NCALD: variants seen among roughly 807,000 people sequenced by gnomAD.
NCALD encodes neurocalcin delta, also known as neurocalcin-delta.
NCALD carries 10 observed loss-of-function variants against 18.6 expected under a neutral mutation model. The observed-to-expected ratio is 0.54, with a 90% CI of 0.33 to 0.91. The LOEUF (loss-of-function observed/expected upper bound fraction) is 0.91, where lower values mean the gene tolerates loss of function less well. Ranked by LOEUF, NCALD falls within the 40% of genes least tolerant of loss-of-function variation. The pLI, the probability that NCALD is intolerant of heterozygous loss-of-function variation, is 0.03. For synonymous variants in NCALD, 88 were observed against 87.4 expected (o/e 1.01, Z -0.04); for missense variants, 184 against 247.6 (o/e 0.74, Z 1.72).
chr8:101,914,459 T>C (rs930588942), intron 3 of NCALD, among the ~76,000 whole-genome samples: 4 of 152,146 alleles, frequency 2.6e-5, no homozygotes, highest in African/African-American at 9.7e-5. Flanking sequence ...AGTTACTTTT[T>C]CCCCTCCCTT....
intron 1 of NCALD, among the ~76,000 whole-genome samples, chr8:102,113,655 C>A (rs1185807485): frequency 7.2e-5 from 11 of 152,194 alleles, no homozygotes; most frequent in African/African-American, 2.4e-4. Flanking sequence ...GGACAGTCCC[C>A]ATTTGTGCCT....
intron 4 of NCALD, among the ~76,000 whole-genome samples, chr8:101,845,159 G>A (rs929761134): frequency 6.6e-6 from 1 of 152,326 alleles, no homozygotes; most frequent in African/African-American, 2.4e-5. Context: ...TTTGTTTCTT[G>A]TTGTGCACTA....
chr8:102,109,973 C>T (rs898129701), intron 1 of NCALD, among the ~76,000 whole-genome samples: 1 of 152,086 alleles, frequency 6.6e-6, no homozygotes, highest in African/African-American at 2.4e-5. Flanking sequence ...TCACTTAACC[C>T]TACGTCCCAA....
chr8:101,743,380 T>C (rs965369033), intron 1 of NCALD, among the ~76,000 whole-genome samples: 1 of 152,238 alleles, frequency 6.6e-6, no homozygotes, highest in Non-Finnish European at 1.5e-5. Context: ...TATATTCAAA[T>C]AGCATAATCT....
chr8:101,703,332 G>A (rs776623188), intron 2 of NCALD, among the ~76,000 whole-genome samples: 39 of 152,146 alleles, frequency 2.6e-4, no homozygotes, highest in Non-Finnish European at 5.3e-4. Flanking sequence ...TTTATGAATA[G>A]CACAAAAATG....
chr8:101,879,332 TCTCA>T (rs1816373223), intron 4 of NCALD, among the ~76,000 whole-genome samples: 2 of 152,196 alleles, frequency 1.3e-5, no homozygotes, highest in Admixed American at 6.5e-5. Context: ...GGGTTCGTGG[TCTCA>T]CTGACTTCAG....
chr8:101,894,391 A>G (rs2131530355), intron 3 of NCALD, among the ~76,000 whole-genome samples: 1 of 132,718 alleles, frequency 7.5e-6, no homozygotes, highest in East Asian at 2.0e-4. Flanking sequence ...ATAGCACTAA[A>G]TGCCCACAAG....
rs532371258 is a variant in NCALD at position 102,012,278 on chromosome 8, C to A, written c.-157+7959G>T. Reference sequence around the variant, plus strand: ...CTCCTACAAATGTAATAATATCCAACAAGCAACTGATTGGACAGCACACGA... The same window carrying A: ...CTCCTACAAATGTAATAATATCCAAAAAGCAACTGATTGGACAGCACACGA... On this transcript the variant is annotated intron_variant, in intron 2 of 6. Coordinates refer to the NCALD transcript ENST00000311028. 3.3e-5 allele frequency among the ~76,000 whole-genome samples: 5 copies of A among 152,348 alleles called. No homozygotes were observed. The South Asian group carries it at 1.0e-3, about 32-fold the overall frequency.
chr8:101,937,285 C>A (rs941546108), intron 2 of NCALD, among the ~76,000 whole-genome samples: 2 of 152,114 alleles, frequency 1.3e-5, no homozygotes, highest in African/African-American at 4.8e-5. Context: ...TATTTCATCA[C>A]CCAGGTACTA....
At chr8:101,692,476 T>C (rs1164427382) in intron 3 of NCALD, 1 of 985,368 alleles carries the variant, frequency 1.0e-6, no homozygotes, top group Non-Finnish European at 1.2e-6. Context: ...AGCCTAGGCC[T>C]GTCCCAAGGA....
At position 102,039,440 on chromosome 8, in the gene NCALD, A is replaced by G. The variant is rs145198746; in HGVS notation, c.-209-19151T>C. 3.1e-3 allele frequency among the ~76,000 whole-genome samples: 469 copies of G among 152,332 alleles called. 7 individuals are homozygous for G. The highest frequency in any genetic ancestry group is 0.011 in the African/African-American group (452 of 41,578). On this transcript the variant is annotated intron_variant, in intron 1 of 6. Transcript: ENST00000311028. ...CTATAACATTCACCCCAAGGAGCCT[A>G]AGAGAGAGCAATCACTGACATTTGT...
intron 1 of NCALD, among the ~76,000 whole-genome samples, chr8:102,097,553 C>G (rs1016606869): frequency 1.3e-5 from 2 of 152,186 alleles, no homozygotes; most frequent in Non-Finnish European, 2.9e-5. Flanking sequence ...GCTGTTTCAT[C>G]AGAAGTTGCG....
chr8:101,842,728 A>G (rs754443712), intron 4 of NCALD, among the ~76,000 whole-genome samples: 31 of 152,228 alleles, frequency 2.0e-4, no homozygotes, highest in Non-Finnish European at 3.4e-4. Context: ...CTCATTAGCC[A>G]AAACTAGGGC....
intron 1 of NCALD, among the ~76,000 whole-genome samples, chr8:102,117,597 G>A (rs544765454): frequency 5.5e-4 from 80 of 144,344 alleles, no homozygotes; most frequent in African/African-American, 2.1e-3. Context: ...TGTCAACTCC[G>A]TTGGCACTTT....
chr8:101,814,747 A>C (rs2131158197), intron 4 of NCALD, among the ~76,000 whole-genome samples: 1 of 152,218 alleles, frequency 6.6e-6, no homozygotes, highest in East Asian at 1.9e-4. Flanking sequence ...CTAATAAGGG[A>C]TTATAGCAAG....
At chr8:101,707,153 C>A (rs1342090845) in intron 2 of NCALD, among the ~76,000 whole-genome samples, 1 of 152,094 alleles carries the variant, frequency 6.6e-6, no homozygotes, top group African/African-American at 2.4e-5. Context: ...ATCAGAAGAC[C>A]ACAGTGTTTC....
intron 1 of NCALD, among the ~76,000 whole-genome samples, chr8:101,762,156 A>G (rs1811139563): frequency 6.6e-6 from 1 of 152,136 alleles, no homozygotes; most frequent in Admixed American, 6.5e-5. Context: ...ATATATATGC[A>G]TTTTCCCTAA....
intron 2 of NCALD, chr8:101,694,366 C>G (rs1340951810): frequency 2.0e-5 from 3 of 152,120 alleles, no homozygotes; most frequent in Non-Finnish European, 4.4e-5. Context: ...TGCTCAGGAC[C>G]AACCCTGCCA....
At chr8:101,824,941 A>T (rs1326422830) in intron 4 of NCALD, among the ~76,000 whole-genome samples, 1 of 152,214 alleles carries the variant, frequency 6.6e-6, no homozygotes, top group Non-Finnish European at 1.5e-5. Flanking sequence ...GTCATTACAT[A>T]GTGGACTATG....
Sources: allele counts gnomAD v4.1 joint callset (sites outside exome capture counted in the v4.1 genomes callset), GRCh38; gene constraint gnomAD v4.1.1; transcripts MANE v1.5; gene names NCBI Gene and HGNC (gene_info 2026-07-23, HGNC 2026-07-21).